The following SLC14A2 variants were observed in gnomAD, a reference collection of about 807,000 sequenced individuals.
The protein encoded by SLC14A2 is solute carrier family 14 member 2.
A neutral mutation model predicts 104.6 loss-of-function variants in SLC14A2; 91 were observed. That is an observed-to-expected ratio of 0.87 (90% CI 0.73 to 1.04). SLC14A2 has a LOEUF of 1.04. Among genes scored for constraint, SLC14A2 ranks in the 50% least tolerant of loss-of-function variants. SLC14A2 has a pLI of 0.00. For missense variants in SLC14A2, 1,189 were observed against 1,156.0 expected (o/e 1.03, Z -0.41); for synonymous variants, 476 against 466.4 (o/e 1.02, Z -0.27).
intron 10 of SLC14A2, chr18:45,646,891 T>C (rs1214520839): frequency 6.6e-6 from 1 of 152,252 alleles, no homozygotes; most frequent in Non-Finnish European, 1.5e-5. Flanking sequence ...GCAGTTTTTC[T>C]ACCATCACCC....
Position 45,644,093 on chromosome 18 carries a change from C to A in SLC14A2, c.1284C>A (p.Thr428=), listed in dbSNP as rs758140949. The A allele has an allele frequency of 1.9e-6, 3 of 1,614,122 alleles. No individual in the cohort carries two copies. The Admixed American group carries it at 5.0e-5, about 27-fold the overall frequency. The change falls in exon 10 of 20, where the codon ACC becomes ACA. Residue 428 remains threonine (T), a synonymous_variant. Transcript: ENST00000255226. ...TCAGACTCCCACTCAGCAAAGTCAC[C>A]TACCCCGAGGCCAACCGCATCTACT... ...AIFRLPLSKV[T]YPEANRIYYL...
intron 2 of SLC14A2, among the ~76,000 whole-genome samples, chr18:45,594,090 G>C (rs1337223059): frequency 6.6e-6 from 1 of 152,136 alleles, no homozygotes; most frequent in Non-Finnish European, 1.5e-5. Flanking sequence ...AATGAGGAGA[G>C]GACCTTGAAT....
intron 1 of SLC14A2, among the ~76,000 whole-genome samples, chr18:45,324,443 A>G (rs1364539611): frequency 6.6e-6 from 1 of 152,166 alleles, no homozygotes; most frequent in Non-Finnish European, 1.5e-5. Context: ...AAGCAAAGAA[A>G]ACAAGAAGTC....
At chr18:45,640,275 T>C (rs553476997) in intron 7 of SLC14A2, among the ~76,000 whole-genome samples, 2 of 140,736 alleles carry the variant, frequency 1.4e-5, no homozygotes, top group Non-Finnish European at 3.1e-5. Flanking sequence ...GACTCCGTCT[T>C]AAAAAAAAAA....
intron 1 of SLC14A2, among the ~76,000 whole-genome samples, chr18:45,265,543 G>C (rs371372935): frequency 6.6e-6 from 1 of 152,062 alleles, no homozygotes; most frequent in East Asian, 1.9e-4. Flanking sequence ...CATTTTATTT[G>C]GACTCTTGTA....
chr18:45,523,605 GAT>G (rs887441746), intron 2 of SLC14A2, among the ~76,000 whole-genome samples: 1 of 151,562 alleles, frequency 6.6e-6, no homozygotes, highest in African/African-American at 2.4e-5. Context: ...AAGGTGCTGG[GAT>G]TACAGGTGTG....
intron 1 of SLC14A2, among the ~76,000 whole-genome samples, chr18:45,406,729 T>C (rs74818852): frequency 0.035 from 5,386 of 152,298 alleles, 314 homozygotes; most frequent in African/African-American, 0.12. Flanking sequence ...ACATCCATTG[T>C]TGGCATGGAA....
At chr18:45,582,927 G>A (rs1363318651) in intron 2 of SLC14A2, among the ~76,000 whole-genome samples, 7 of 152,098 alleles carry the variant, frequency 4.6e-5, no homozygotes, top group African/African-American at 1.4e-4. Context: ...CCCTTATAGA[G>A]GTGTCTCCAG....
the SLC14A2 span, among the ~76,000 whole-genome samples, chr18:45,178,493 C>T: frequency 6.6e-6 from 1 of 151,790 alleles, no homozygotes; most frequent in Admixed American, 6.6e-5. Flanking sequence ...AGAAGTTTTA[C>T]ATTAATATGA....
chr18:45,204,728 G>A, the SLC14A2 span, among the ~76,000 whole-genome samples: 3 of 151,726 alleles, frequency 2.0e-5, no homozygotes, highest in African/African-American at 7.3e-5. Context: ...TATAAGCCAT[G>A]GTTTTATATC....
At chr18:45,456,163 A>C (rs932804992) in intron 1 of SLC14A2, among the ~76,000 whole-genome samples, 4 of 152,144 alleles carry the variant, frequency 2.6e-5, no homozygotes, top group Admixed American at 1.3e-4. Flanking sequence ...GACGATCAAA[A>C]GTGTCCCCAG....
intron 2 of SLC14A2, chr18:45,542,181 A>G (rs1487302046): frequency 1.3e-5 from 2 of 151,066 alleles, no homozygotes; most frequent in Non-Finnish European, 2.9e-5. Context: ...TCCCTCCTTA[A>G]TAATAACTTT....
At chr18:45,448,639 G>A (rs902834135) in intron 1 of SLC14A2, among the ~76,000 whole-genome samples, 1 of 152,072 alleles carries the variant, frequency 6.6e-6, no homozygotes, top group East Asian at 1.9e-4. Context: ...CAAAAAACCT[G>A]CCCTTGTCCC....
At chr18:45,366,226 T>G (rs1160807839) in intron 1 of SLC14A2, among the ~76,000 whole-genome samples, 2 of 152,148 alleles carry the variant, frequency 1.3e-5, no homozygotes, top group African/African-American at 4.8e-5. Flanking sequence ...CTGCATTGGC[T>G]AGCCACAGCT....
chr18:45,256,508 C>T (rs370429148), intron 1 of SLC14A2, among the ~76,000 whole-genome samples: 1 of 152,218 alleles, frequency 6.6e-6, no homozygotes, highest in African/African-American at 2.4e-5. Flanking sequence ...GTGATTCTTA[C>T]AACTCCAATG....
chr18:45,284,880 A>G (rs1356522150), intron 1 of SLC14A2, among the ~76,000 whole-genome samples: 1 of 152,232 alleles, frequency 6.6e-6, no homozygotes, highest in African/African-American at 2.4e-5. Context: ...AGAAACATTC[A>G]GAAGAGGAGG....
chr18:45,235,839 A>ATATGTATATATACATATATGTGTG lies in SLC14A2; in HGVS notation c.-125+22651_-125+22652insGTATATATACATATATGTGTGTAT, dbSNP rs2084222584. Reference sequence around the variant, plus strand: ...TATATATATATATATATACGTGTATATATATATGTATATATACATATATGT... The same window carrying ATATGTATATATACATATATGTGTG: ...TATATATATATATATATACGTGTATATATGTATATATACATATATGTGTGTATATATGTATATATACATATATGT... On this transcript the variant is annotated intron_variant, in intron 1 of 20. Transcript: ENST00000586448. 7.9e-5 allele frequency among the ~76,000 whole-genome samples: 7 copies of ATATGTATATATACATATATGTGTG among 88,164 alleles called. 1 individual carries two copies. The highest frequency in any genetic ancestry group is 3.1e-4 in the African/African-American group (7 of 22,404). 57.8% of individuals were successfully genotyped at this position (88,164 alleles called of 152,430 possible). A position where few individuals can be genotyped will look rare whatever the true frequency, so the allele number is the denominator to read the frequency against.
At chr18:45,480,789 A>C (rs1461104301) in intron 1 of SLC14A2, among the ~76,000 whole-genome samples, 1 of 152,180 alleles carries the variant, frequency 6.6e-6, no homozygotes, top group Non-Finnish European at 1.5e-5. Flanking sequence ...TGTCCAGAGA[A>C]ACATTTGTCC....
chr18:45,187,643 G>A, the SLC14A2 span, among the ~76,000 whole-genome samples: 4 of 152,018 alleles, frequency 2.6e-5, no homozygotes, highest in African/African-American at 7.3e-5. Flanking sequence ...CCCCAAGAAG[G>A]TGAAGCCACC....
Sources: gnomAD v4.1 joint callset for allele counts (sites outside exome capture counted in the v4.1 genomes callset) on GRCh38, gnomAD v4.1.1 for gene constraint, MANE v1.5 for transcripts, NCBI Gene and HGNC (gene_info 2026-07-23, HGNC 2026-07-21) for gene names.